Variants in ENOX1 observed in about 807,000 individuals in gnomAD.
The protein encoded by ENOX1 is candidate growth-related and time keeping constitutive hydroquinone (NADH) oxidase.
In ENOX1, 42 loss-of-function variants were observed where a neutral mutation model predicts 82.5. The ratio of observed to expected loss-of-function variants is 0.51; its 90% CI spans 0.40 to 0.66. The LOEUF (loss-of-function observed/expected upper bound fraction) is 0.66. ENOX1 is among the 30% of genes least tolerant of loss of function. ENOX1 has a pLI of 0.00. For missense variants in ENOX1, 608 were observed against 811.6 expected, an observed-to-expected ratio of 0.75 and a Z score of 3.05; for synonymous variants, 271 against 282.2, an observed-to-expected ratio of 0.96 and a Z score of 0.40.
intron 9 of ENOX1, among the ~76,000 whole-genome samples, chr13:43,327,506 A>G (rs1322172740): frequency 1.3e-5 from 2 of 152,236 alleles, no homozygotes; most frequent in African/African-American, 4.8e-5. Flanking sequence ...ACAGTTATTG[A>G]TCCAGTAAGC....
intron 2 of ENOX1, among the ~76,000 whole-genome samples, chr13:43,495,453 T>C (rs911549875): frequency 1.3e-5 from 2 of 152,160 alleles, no homozygotes; most frequent in African/African-American, 4.8e-5. Flanking sequence ...CTGGTTCCTT[T>C]TGTTCAATGT....
chr13:43,786,831 C>CGCCGCCGCT lies in ENOX1; in HGVS notation c.-465_-464insAGCGGCGGC. Reference sequence around the variant, plus strand: ...TCGCCGTTCCCTCTGCTGCCGCCGCCGCTGCAGCAGACAGAGGACGCCCCG... The same window carrying CGCCGCCGCT: ...TCGCCGTTCCCTCTGCTGCCGCCGCCGCCGCCGCTGCTGCAGCAGACAGAGGACGCCCCG... On this transcript the variant is annotated 5_prime_UTR_variant, in exon 1 of 17. Transcript: ENST00000690772. The surrounding 1 kb of genome is among the most constrained non-coding windows in gnomAD (Gnocchi z 6.0). 1.3e-5 allele frequency: 2 copies of CGCCGCCGCT among 153,552 alleles called. No homozygotes were observed. The highest frequency in any genetic ancestry group is 2.0e-4 in the South Asian group (1 of 5,096). 9.5% of individuals were successfully genotyped at this position (153,552 alleles called of 1,614,324 possible). A position where few individuals can be genotyped will look rare whatever the true frequency, so the allele number is the denominator to read the frequency against.
intron 2 of ENOX1, among the ~76,000 whole-genome samples, chr13:43,504,177 ATGT>A (rs1387221351): frequency 2.0e-5 from 3 of 151,840 alleles, no homozygotes; most frequent in Non-Finnish European, 4.4e-5. Flanking sequence ...AAGATAACAA[ATGT>A]TGGTGAGGAC....
intron 3 of ENOX1, among the ~76,000 whole-genome samples, chr13:43,436,863 G>T (rs1391629770): frequency 6.6e-6 from 1 of 152,066 alleles, no homozygotes; most frequent in Non-Finnish European, 1.5e-5. Flanking sequence ...TCTATAACTG[G>T]ATAGTCATAA....
chr13:43,522,033 G>A (rs1429481844), intron 2 of ENOX1, among the ~76,000 whole-genome samples: 2 of 152,126 alleles, frequency 1.3e-5, no homozygotes, highest in Admixed American at 1.3e-4. Context: ...GATCATAGGA[G>A]CAGCATTGTG....
chr13:43,546,246 A>G (rs2078969280), intron 2 of ENOX1: 1 of 152,278 alleles, frequency 6.6e-6, no homozygotes, highest in African/African-American at 2.4e-5. Flanking sequence ...TGGAGGGGGC[A>G]GATTTCAGCA....
chr13:43,408,933 C>A (rs1015534929), intron 5 of ENOX1, among the ~76,000 whole-genome samples: 1 of 150,166 alleles, frequency 6.7e-6, no homozygotes, highest in South Asian at 2.1e-4. Flanking sequence ...AATATAAAAA[C>A]CATAAAAAAG....
At chr13:43,590,829 C>T (rs74967175) in intron 2 of ENOX1, among the ~76,000 whole-genome samples, 11,130 of 149,390 alleles carry the variant, frequency 0.075, 452 homozygotes, top group Admixed American at 0.098. Context: ...AAAGACAACC[C>T]AACAGAGAAA....
chr13:43,501,282 G>GA (rs912895827), intron 2 of ENOX1, among the ~76,000 whole-genome samples: 11 of 151,588 alleles, frequency 7.3e-5, no homozygotes, highest in African/African-American at 2.7e-4. Flanking sequence ...TTATATAGGG[G>GA]AAAAAAGAGT....
At chr13:43,258,666 C>T (rs1011156860) in intron 14 of ENOX1, among the ~76,000 whole-genome samples, 1 of 152,020 alleles carries the variant, frequency 6.6e-6, no homozygotes, top group Non-Finnish European at 1.5e-5. Flanking sequence ...AGATATGGGC[C>T]CATCCCTCTC....
intron 2 of ENOX1, among the ~76,000 whole-genome samples, chr13:43,523,126 G>A (rs2077844019): frequency 6.6e-6 from 1 of 152,154 alleles, no homozygotes; most frequent in Non-Finnish European, 1.5e-5. Flanking sequence ...CTCTGCAAGA[G>A]TTGCTCCTTT....
At chr13:43,457,001 T>G (rs2057264102) in intron 3 of ENOX1, among the ~76,000 whole-genome samples, 1 of 152,170 alleles carries the variant, frequency 6.6e-6, no homozygotes, top group Non-Finnish European at 1.5e-5. Context: ...CTCATTTGCT[T>G]TGTGTCCCTG....
At chr13:43,433,885 T>G (rs1261628738) in intron 3 of ENOX1, among the ~76,000 whole-genome samples, 2 of 152,218 alleles carry the variant, frequency 1.3e-5, no homozygotes, top group Non-Finnish European at 2.9e-5. Flanking sequence ...CTCAGAGGAA[T>G]GTGCTGGGTG....
rs114980931 is a variant in ENOX1 at position 43,437,007 on chromosome 13, T to C, written c.-74-24019A>G. ...ACGAGGGTAAAGACAAACACCAGTG[T>C]GTGGGAATAATTCCTAGAAGAATGC... On this transcript the variant is annotated intron_variant, in intron 3 of 16. Coordinates refer to ENST00000690772, the MANE Select transcript of ENOX1 (RefSeq NM_001347969.2). Among the ~76,000 whole-genome samples the C allele has an allele frequency of 2.9e-3, 438 of 152,230 alleles. 1 individual carries two copies. Among genetic ancestry groups the C allele is most frequent in the African/African-American group, 0.01 (422 of 41,540 alleles).
chr13:43,292,850 C>T (rs2046078565), intron 12 of ENOX1, among the ~76,000 whole-genome samples: 1 of 151,994 alleles, frequency 6.6e-6, no homozygotes, highest in Non-Finnish European at 1.5e-5. Context: ...ATCACAGTCA[C>T]CATTTCTACC....
Position 43,494,644 on chromosome 13 carries a change from C to T in ENOX1, c.-218-10492G>A, listed in dbSNP as rs191131664. 2.6e-4 allele frequency among the ~76,000 whole-genome samples: 39 copies of T among 152,178 alleles called. No homozygotes were observed. In the East Asian group the frequency reaches 6.9e-3, roughly 27 times the overall value. ...AATCATGACACACGGGAGTGACACACAGAGTGGAGTTTTATGGAGTTGGAG... is the reference window on the plus strand; with the variant it reads ...AATCATGACACACGGGAGTGACACATAGAGTGGAGTTTTATGGAGTTGGAG... On this transcript the variant is annotated intron_variant, in intron 2 of 16. Coordinates refer to ENST00000690772, the MANE Select transcript of ENOX1 (RefSeq NM_001347969.2).
intron 1 of ENOX1, among the ~76,000 whole-genome samples, chr13:43,712,433 GT>G (rs1194383449): frequency 1.3e-5 from 2 of 151,788 alleles, no homozygotes; most frequent in Non-Finnish European, 2.9e-5. Context: ...ATGAACTTTA[GT>G]TTTTTCCAAT....
At chr13:43,329,417 C>G (rs2048301610) in intron 9 of ENOX1, among the ~76,000 whole-genome samples, 1 of 152,152 alleles carries the variant, frequency 6.6e-6, no homozygotes, top group Admixed American at 6.6e-5. Flanking sequence ...ACCACGATGA[C>G]TGGAGCTGGT....
intron 11 of ENOX1, among the ~76,000 whole-genome samples, chr13:43,300,776 T>C (rs890525199): frequency 6.6e-6 from 1 of 152,218 alleles, no homozygotes; most frequent in East Asian, 1.9e-4. Flanking sequence ...CAATGGTGCA[T>C]GGAATGAACT....
Sources: gnomAD v4.1 joint callset for allele counts (sites outside exome capture counted in the v4.1 genomes callset) on GRCh38, gnomAD v4.1.1 for gene constraint, Gnocchi (gnomAD v3.1) non-coding constraint, MANE v1.5 for transcripts, NCBI Gene and HGNC (gene_info 2026-07-23, HGNC 2026-07-21) for gene names.